ENTREP2: variants seen among roughly 807,000 people sequenced by gnomAD.
ENTREP2 encodes protein ENTREP2.
At chr15:29,562,625 A>G in the ENTREP2 span, among the ~76,000 whole-genome samples, 2 of 152,184 alleles carry the variant, frequency 1.3e-5, no homozygotes, top group African/African-American at 4.8e-5. Flanking sequence ...CCAGAAAACA[A>G]TATTAAGACA....
chr15:29,422,951 A>G, the ENTREP2 span, among the ~76,000 whole-genome samples: 1 of 152,238 alleles, frequency 6.6e-6, no homozygotes, highest in Non-Finnish European at 1.5e-5. Context: ...GCAGAATCCA[A>G]TGTATAATTT....
At chr15:29,294,401 C>A in the ENTREP2 span, among the ~76,000 whole-genome samples, 2 of 152,200 alleles carry the variant, frequency 1.3e-5, no homozygotes, top group African/African-American at 2.4e-5. Context: ...GAGGTCCAGG[C>A]ATAGAATTGC....
the ENTREP2 span, among the ~76,000 whole-genome samples, chr15:29,605,706 G>GC: frequency 2.6e-5 from 4 of 151,772 alleles, no homozygotes; most frequent in Admixed American, 2.6e-4. Context: ...CATGATGGGG[G>GC]GGTGCCTATA....
chr15:29,320,401 A>G, the ENTREP2 span, among the ~76,000 whole-genome samples: 2 of 152,348 alleles, frequency 1.3e-5, no homozygotes, highest in African/African-American at 2.4e-5. Context: ...TAACAGCCAT[A>G]TTAATATAAA....
chr15:29,444,196 A>AC, the ENTREP2 span, among the ~76,000 whole-genome samples: 2,171 of 142,364 alleles, frequency 0.015, 104 homozygotes, highest in East Asian at 0.022. Flanking sequence ...GAAAGAAAGA[A>AC]AGAAAGAAAG....
chr15:29,327,392 A>G, the ENTREP2 span, among the ~76,000 whole-genome samples: 1 of 152,070 alleles, frequency 6.6e-6, no homozygotes, highest in Admixed American at 6.6e-5. Context: ...TAGGAGGTTG[A>G]GACTATCCTG....
At chr15:29,301,449 G>T in the ENTREP2 span, among the ~76,000 whole-genome samples, 1 of 152,238 alleles carries the variant, frequency 6.6e-6, no homozygotes, top group South Asian at 2.1e-4. Flanking sequence ...TCTCTACACC[G>T]TCTGCTTTTC....
chr15:29,386,323 G>A, the ENTREP2 span, among the ~76,000 whole-genome samples: 7 of 152,162 alleles, frequency 4.6e-5, no homozygotes, highest in African/African-American at 7.2e-5. Context: ...AGACGATGCC[G>A]TGGAGATGGA....
At chr15:29,158,832 C>A in the ENTREP2 span, among the ~76,000 whole-genome samples, 1,390 of 151,908 alleles carry the variant, frequency 9.2e-3, 19 homozygotes, top group African/African-American at 0.031. Context: ...AGTTATGTAT[C>A]TAATAAATGA....
At chr15:29,207,349 A>C in the ENTREP2 span, among the ~76,000 whole-genome samples, 1 of 151,856 alleles carries the variant, frequency 6.6e-6, no homozygotes, top group Non-Finnish European at 1.5e-5. Flanking sequence ...ACAGCTCTTA[A>C]AGATTGCACG....
At chr15:29,444,059 G>A in the ENTREP2 span, among the ~76,000 whole-genome samples, 1 of 152,168 alleles carries the variant, frequency 6.6e-6, no homozygotes, top group African/African-American at 2.4e-5. Flanking sequence ...AGCCGAGATC[G>A]CGCCACTGCA....
chr15:29,410,588 GCCTC>G, the ENTREP2 span, among the ~76,000 whole-genome samples: 76 of 152,114 alleles, frequency 5.0e-4, no homozygotes, highest in Admixed American at 5.0e-3. Flanking sequence ...CTTCCTCCCT[GCCTC>G]CCTCTGCCTT....
chr15:29,455,569 A>T, the ENTREP2 span, among the ~76,000 whole-genome samples: 1 of 152,214 alleles, frequency 6.6e-6, no homozygotes, highest in Non-Finnish European at 1.5e-5. Context: ...AGGACCTAAC[A>T]ATGTTTTGCC....
the ENTREP2 span, among the ~76,000 whole-genome samples, chr15:29,164,256 G>A: frequency 6.6e-6 from 1 of 152,036 alleles, no homozygotes; most frequent in African/African-American, 2.4e-5. Context: ...AAAAATACAA[G>A]TTAAAAGGCA....
chr15:29,494,621 C>G, the ENTREP2 span, among the ~76,000 whole-genome samples: 1 of 152,142 alleles, frequency 6.6e-6, no homozygotes, highest in African/African-American at 2.4e-5. Flanking sequence ...ACTAACTCAT[C>G]GTGTAACTGA....
chr15:29,490,588 C>T, the ENTREP2 span, among the ~76,000 whole-genome samples: 3 of 152,152 alleles, frequency 2.0e-5, no homozygotes, highest in African/African-American at 4.8e-5. Flanking sequence ...CGTTTACAAT[C>T]GCTGACCTAG....
the ENTREP2 span, among the ~76,000 whole-genome samples, chr15:29,217,415 T>C: frequency 1.3e-5 from 2 of 152,314 alleles, no homozygotes; most frequent in Admixed American, 6.5e-5. Context: ...CATTACAATT[T>C]AACATAGTCC....
the ENTREP2 span, chr15:29,195,410 C>G: frequency 1.4e-6 from 1 of 721,540 alleles, no homozygotes; most frequent in Non-Finnish European, 1.7e-6. Flanking sequence ...TGCAGTTTCC[C>G]ATCCCCTGCA....
chr15:29,352,836 T>C, the ENTREP2 span, among the ~76,000 whole-genome samples: 5 of 152,246 alleles, frequency 3.3e-5, no homozygotes, highest in African/African-American at 1.2e-4. Context: ...CTTCTTGTTC[T>C]CCTCTGCCAA....
Sources: allele counts gnomAD v4.1 joint callset (sites outside exome capture counted in the v4.1 genomes callset), GRCh38; gene constraint gnomAD v4.1.1; transcripts MANE v1.5; gene names NCBI Gene and HGNC (gene_info 2026-07-23, HGNC 2026-07-21).